Variants in ARHGAP21 observed in about 807,000 individuals in gnomAD.
ARHGAP21 encodes the protein Rho GTPase activating protein 21.
ARHGAP21 carries 38 observed loss-of-function variants against 164.6 expected under a neutral mutation model. That is an observed-to-expected ratio of 0.23 (90% CI 0.18 to 0.30). ARHGAP21 has a LOEUF of 0.30. Among genes scored for constraint, ARHGAP21 ranks in the 10% least tolerant of loss-of-function variants. ARHGAP21 has a pLI of 1.00. For missense variants in ARHGAP21, 1,822 were observed against 2,370.7 expected (o/e 0.77, Z 4.81); for synonymous variants, 766 against 857.9 (o/e 0.89, Z 1.87).
intron 2 of ARHGAP21, among the ~76,000 whole-genome samples, chr10:24,678,060 G>C (rs76175071): frequency 2.2e-4 from 33 of 151,568 alleles, no homozygotes; most frequent in African/African-American, 7.5e-4. Context: ...CCAGGAGTTC[G>C]AGACCAGCCT....
chr10:24,608,945 CAATTT>C (rs1179441182), intron 9 of ARHGAP21, among the ~76,000 whole-genome samples: 2 of 152,128 alleles, frequency 1.3e-5, no homozygotes, highest in Admixed American at 1.3e-4. Flanking sequence ...ATGAGGATAA[CAATTT>C]AATTTCACTA....
At chr10:24,713,313 G>A (rs903927111) in intron 2 of ARHGAP21, among the ~76,000 whole-genome samples, 3 of 152,196 alleles carry the variant, frequency 2.0e-5, no homozygotes, top group Admixed American at 1.3e-4. Context: ...ACAGAGATAA[G>A]CAACAGGGGA....
At position 24,719,122 on chromosome 10, in the gene ARHGAP21, C is replaced by T. The variant is rs926698464; in HGVS notation, c.63+2715G>A. 5.4e-4 allele frequency among the ~76,000 whole-genome samples: 82 copies of T among 152,010 alleles called. 1 individual carries two copies. The highest frequency in any genetic ancestry group is 5.3e-3 in the Admixed American group (81 of 15,250). On this transcript the variant is annotated intron_variant, in intron 2 of 25. Coordinates refer to ENST00000396432, the MANE Select transcript of ARHGAP21 (RefSeq NM_020824.4). ...CTACACACACACACACACACACACA[C>T]ACACACACCCCAAAAATCACTTAAG...
intron 4 of ARHGAP21, among the ~76,000 whole-genome samples, chr10:24,653,080 T>A (rs1838364682): frequency 6.6e-6 from 1 of 152,216 alleles, no homozygotes; most frequent in Non-Finnish European, 1.5e-5. Context: ...TATTGAGGTA[T>A]AACATACATA....
chr10:24,617,413 C>T (rs1834061533), intron 9 of ARHGAP21, among the ~76,000 whole-genome samples: 1 of 152,074 alleles, frequency 6.6e-6, no homozygotes, highest in Non-Finnish European at 1.5e-5. Context: ...GATTTTTTTA[C>T]ATTTTAAAAC....
intron 9 of ARHGAP21, among the ~76,000 whole-genome samples, chr10:24,611,640 G>C (rs767960638): frequency 1.3e-5 from 2 of 151,950 alleles, no homozygotes; most frequent in Non-Finnish European, 2.9e-5. Context: ...GGAGGTGGAG[G>C]CTGCAGTGAA....
At chr10:24,617,643 A>T (rs185015077) in intron 9 of ARHGAP21, among the ~76,000 whole-genome samples, 279 of 149,662 alleles carry the variant, frequency 1.9e-3, no homozygotes, top group African/African-American at 6.4e-3. Flanking sequence ...GGAACTTTTT[A>T]AAAAAGCTTT....
Position 24,585,795 on chromosome 10 carries a change from C to T in ARHGAP21, c.4494G>A (p.Thr1498=), listed in dbSNP as rs769009600. The change falls in exon 26 of 26, where the codon ACG becomes ACA. Residue 1498 remains threonine (T), a synonymous_variant. Coordinates refer to ENST00000396432, the MANE Select transcript of ARHGAP21 (RefSeq NM_020824.4). ...GTGGTGGTGAGGGTTCTTCAGAAGG[C>T]GTGCTCTCTTTTCCTAGTGATATCT... The part of the protein sequence containing the change: ...DEKISLGKES[T]PSEEPSPPHN... 9 of 1,613,756 alleles carry T rather than the reference C, an allele frequency of 5.6e-6. No individual in the cohort carries two copies. The highest frequency in any genetic ancestry group is 5.0e-5 in the Admixed American group (3 of 59,986).
chr10:24,630,552 C>T (rs183464466), intron 6 of ARHGAP21, among the ~76,000 whole-genome samples: 33 of 152,180 alleles, frequency 2.2e-4, no homozygotes, highest in East Asian at 7.7e-4. Context: ...AGTGCAGTGG[C>T]GCAATCTTGG....
intron 2 of ARHGAP21, among the ~76,000 whole-genome samples, chr10:24,700,812 C>T (rs984817006): frequency 2.0e-5 from 3 of 152,048 alleles, no homozygotes; most frequent in Admixed American, 6.6e-5. Flanking sequence ...CTCTTTTGGC[C>T]ATTGAAGGCA....
intron 2 of ARHGAP21, among the ~76,000 whole-genome samples, chr10:24,700,427 C>T (rs1843561129): frequency 6.6e-6 from 1 of 152,242 alleles, no homozygotes; most frequent in Non-Finnish European, 1.5e-5. Flanking sequence ...TAAAGTATTA[C>T]ACCTAGGCAA....
intron 2 of ARHGAP21, among the ~76,000 whole-genome samples, chr10:24,703,537 G>C (rs1843917570): frequency 6.6e-6 from 1 of 152,060 alleles, no homozygotes; most frequent in African/African-American, 2.4e-5. Flanking sequence ...TCAGTTCTTG[G>C]GCACTAAACT....
At chr10:24,648,150 A>C (rs1427923222) in intron 4 of ARHGAP21, among the ~76,000 whole-genome samples, 2 of 152,008 alleles carry the variant, frequency 1.3e-5, no homozygotes, top group African/African-American at 4.8e-5. Flanking sequence ...GCATATTCTA[A>C]TGCTCAGTCT....
intron 3 of ARHGAP21, among the ~76,000 whole-genome samples, chr10:24,669,798 A>T (rs1840524862): frequency 1.3e-5 from 2 of 152,246 alleles, no homozygotes. Context: ...ACATGCCATC[A>T]TATTACATAT....
intron 25 of ARHGAP21, among the ~76,000 whole-genome samples, chr10:24,587,856 T>TG (rs1334636147): frequency 3.8e-4 from 58 of 152,344 alleles, no homozygotes; most frequent in Admixed American, 2.3e-3. Flanking sequence ...AGACTGTTTG[T>TG]TAGAAGTAGT....
intron 4 of ARHGAP21, among the ~76,000 whole-genome samples, chr10:24,636,496 A>G (rs771316377): frequency 6.6e-6 from 1 of 152,256 alleles, no homozygotes; most frequent in Non-Finnish European, 1.5e-5. Context: ...AAAATAAGGC[A>G]TATACATGTG....
chr10:24,713,903 G>A (rs919188361), intron 2 of ARHGAP21, among the ~76,000 whole-genome samples: 3 of 152,054 alleles, frequency 2.0e-5, no homozygotes, highest in African/African-American at 2.4e-5. Context: ...ATAAGAACAT[G>A]GCAACTTAAA....
chr10:24,696,318 T>C (rs957640354), intron 2 of ARHGAP21, among the ~76,000 whole-genome samples: 4 of 152,142 alleles, frequency 2.6e-5, no homozygotes, highest in Non-Finnish European at 4.4e-5. Flanking sequence ...GCTCTGAGAA[T>C]CTGCAGGGGG....
intron 3 of ARHGAP21, among the ~76,000 whole-genome samples, chr10:24,669,030 T>G (rs1429781107): frequency 1.3e-5 from 2 of 152,180 alleles, no homozygotes; most frequent in Non-Finnish European, 2.9e-5. Flanking sequence ...GCTAGATTCT[T>G]AAGAGATCTA....
Sources: gnomAD v4.1 joint callset for allele counts (sites outside exome capture counted in the v4.1 genomes callset) on GRCh38, gnomAD v4.1.1 for gene constraint, MANE v1.5 for transcripts, NCBI Gene and HGNC (gene_info 2026-07-23, HGNC 2026-07-21) for gene names.